TNIK: variants seen among roughly 807,000 people sequenced by gnomAD.
TNIK encodes the protein TRAF2 and NCK interacting kinase.
TNIK carries 49 observed loss-of-function variants against 191.3 expected under a neutral mutation model. That is an observed-to-expected ratio of 0.26 (90% CI 0.20 to 0.32). The LOEUF (loss-of-function observed/expected upper bound fraction) is 0.32, where lower values mean the gene tolerates loss of function less well. TNIK is among the 10% of genes least tolerant of loss of function. TNIK has a pLI of 1.00. For missense variants in TNIK, 1,155 were observed against 1,702.3 expected (o/e 0.68, Z 5.66); for synonymous variants, 594 against 600.9 (o/e 0.99, Z 0.17).
At chr3:171,132,246 C>T (rs1489435291) in intron 15 of TNIK, among the ~76,000 whole-genome samples, 1 of 152,158 alleles carries the variant, frequency 6.6e-6, no homozygotes, top group Admixed American at 6.5e-5. Flanking sequence ...ATCAGAAATA[C>T]AGAGAAGGTT....
chr3:171,316,362 AAG>A (rs1754597909), intron 2 of TNIK, among the ~76,000 whole-genome samples: 1 of 152,196 alleles, frequency 6.6e-6, no homozygotes, highest in Non-Finnish European at 1.5e-5. Context: ...AATAGAGAGA[AAG>A]AAATAATTGA....
intron 20 of TNIK, among the ~76,000 whole-genome samples, chr3:171,107,547 G>T (rs544105255): frequency 1.4e-4 from 22 of 152,100 alleles, no homozygotes; most frequent in Non-Finnish European, 2.1e-4. Context: ...AGGCTACCTG[G>T]GGGTCTATCA....
chr3:171,082,197 T>C lies in TNIK; in HGVS notation c.3313+54A>G, dbSNP rs866649759. 6.3e-6 allele frequency: 10 copies of C among 1,582,448 alleles called. No homozygotes were observed. In the Middle Eastern group the frequency reaches 6.7e-4, roughly 106 times the overall value. ...ACTAACTGTTTCTGCAGAAATGAGG[T>C]GGATCCCTTTCCCGCTGTATGGACC... On this transcript the variant is annotated intron_variant, in intron 27 of 32. Coordinates refer to ENST00000436636, the MANE Select transcript of TNIK (RefSeq NM_015028.4).
At chr3:171,179,589 C>G (rs1346950643) in intron 7 of TNIK, among the ~76,000 whole-genome samples, 1 of 152,042 alleles carries the variant, frequency 6.6e-6, no homozygotes, top group Admixed American at 6.6e-5. Context: ...GTAGCTGGGA[C>G]TACAGGTGCC....
intron 1 of TNIK, among the ~76,000 whole-genome samples, chr3:171,431,715 T>C (rs1338850302): frequency 1.3e-5 from 2 of 152,218 alleles, no homozygotes; most frequent in Non-Finnish European, 2.9e-5. Flanking sequence ...GGTAAAATCA[T>C]TATTCCCATT....
At chr3:171,239,246 C>G (rs1444990451) in intron 2 of TNIK, among the ~76,000 whole-genome samples, 1 of 152,122 alleles carries the variant, frequency 6.6e-6, no homozygotes, top group Non-Finnish European at 1.5e-5. Context: ...AAATATAAGT[C>G]ATGTGAAGTT....
intron 7 of TNIK, among the ~76,000 whole-genome samples, chr3:171,184,946 TG>T (rs528667265): frequency 6.8e-4 from 103 of 152,172 alleles, no homozygotes; most frequent in African/African-American, 2.4e-3. Context: ...TAAACAACAT[TG>T]GCACAGATCA....
chr3:171,327,490 C>A (rs1755905439), intron 2 of TNIK, among the ~76,000 whole-genome samples: 1 of 152,090 alleles, frequency 6.6e-6, no homozygotes, highest in Non-Finnish European at 1.5e-5. Context: ...GCTAAAACAC[C>A]CCACAAAGAT....
rs573710820 is a variant in TNIK, at chr3:171,301,511, C to T, written c.123+68109G>A. 3.8e-3 allele frequency among the ~76,000 whole-genome samples: 582 copies of T among 152,220 alleles called. 3 individuals carry two copies. The highest frequency in any genetic ancestry group is 7.2e-3 in the Non-Finnish European group (491 of 68,016). On this transcript the variant is annotated intron_variant, in intron 2 of 32. Transcript: ENST00000436636. ...TGTATTTTTAGTAGAGATGGGGTTT[C>T]ACCATATTGACCAGGCTGGTCTCAA...
chr3:171,210,526 AAAC>A (rs1156750075), intron 4 of TNIK, among the ~76,000 whole-genome samples: 3 of 152,184 alleles, frequency 2.0e-5, no homozygotes, highest in Non-Finnish European at 4.4e-5. Context: ...CATGAAAGGA[AAAC>A]AACCTTTGCA....
intron 2 of TNIK, among the ~76,000 whole-genome samples, chr3:171,330,150 A>G (rs952843791): frequency 1.3e-5 from 2 of 152,240 alleles, no homozygotes; most frequent in Non-Finnish European, 2.9e-5. Context: ...AGACCTAGGT[A>G]TAGGCTCTGT....
chr3:171,409,028 TAA>T (rs2108597024), intron 1 of TNIK, among the ~76,000 whole-genome samples: 1 of 152,128 alleles, frequency 6.6e-6, no homozygotes, highest in Non-Finnish European at 1.5e-5. Flanking sequence ...GACACTAATA[TAA>T]AAGTGTCCCT....
intron 2 of TNIK, among the ~76,000 whole-genome samples, chr3:171,345,945 A>G (rs1224062550): frequency 1.3e-5 from 2 of 152,154 alleles, no homozygotes; most frequent in African/African-American, 4.8e-5. Flanking sequence ...ATGAATGATG[A>G]ATGGATGGAT....
intron 12 of TNIK, among the ~76,000 whole-genome samples, chr3:171,154,786 A>G (rs1032097761): frequency 2.6e-5 from 4 of 152,250 alleles, no homozygotes; most frequent in African/African-American, 9.6e-5. Context: ...AGCTGGGTTT[A>G]ATCAAGTTCC....
chr3:171,096,670 TG>T (rs146162683), intron 22 of TNIK, among the ~76,000 whole-genome samples: 1,936 of 152,286 alleles, frequency 0.013, 42 homozygotes, highest in African/African-American at 0.045. Context: ...ATGGTTTAGG[TG>T]GCTCTTCACT....
rs192998257 is a variant in TNIK at position 171,197,841 on chromosome 3, G to A, written c.307-3206C>T. On this transcript the variant is annotated intron_variant, in intron 4 of 32. Coordinates refer to ENST00000436636, the MANE Select transcript of TNIK (RefSeq NM_015028.4). Reference sequence around the variant, plus strand: ...TAATGTAAAATGGTATAGTTACTGCGGTGAACAGTTAATGGGTTCCTCAAT... The same window carrying A: ...TAATGTAAAATGGTATAGTTACTGCAGTGAACAGTTAATGGGTTCCTCAAT... 7.2e-5 allele frequency among the ~76,000 whole-genome samples: 11 copies of A among 152,210 alleles called. No individual in the cohort carries two copies. In the East Asian group the frequency reaches 1.4e-3, roughly 19 times the overall value.
intron 23 of TNIK, 60 bp downstream of exon 23, chr3:171,093,779 T>G: frequency 1.3e-6 from 2 of 1,596,718 alleles, no homozygotes; most frequent in Non-Finnish European, 8.5e-7. Context: ...TGTGAAAGCT[T>G]TAATGTAAAA....
intron 23 of TNIK, among the ~76,000 whole-genome samples, chr3:171,089,300 G>T (rs564688650): frequency 6.6e-6 from 1 of 152,306 alleles, no homozygotes; most frequent in African/African-American, 2.4e-5. Context: ...TTTTCTAAAT[G>T]ACATTTAGGA....
chr3:171,399,531 G>C (rs947474596), intron 1 of TNIK, among the ~76,000 whole-genome samples: 3 of 152,168 alleles, frequency 2.0e-5, no homozygotes, highest in African/African-American at 7.2e-5. Context: ...ATAGGAAACA[G>C]CCTAAATGTT....
Sources: allele counts gnomAD v4.1 joint callset (sites outside exome capture counted in the v4.1 genomes callset), GRCh38; gene constraint gnomAD v4.1.1; transcripts MANE v1.5; gene names NCBI Gene and HGNC (gene_info 2026-07-23, HGNC 2026-07-21).